The following STEAP3 variants were observed in gnomAD, a reference collection of about 807,000 sequenced individuals.
STEAP3 encodes metalloreductase STEAP3.
A neutral mutation model predicts 34.9 loss-of-function variants in STEAP3; 35 were observed. The observed-to-expected ratio is 1.00, with a 90% confidence interval of 0.76 to 1.33. STEAP3 has a LOEUF of 1.33. Ranked by LOEUF, STEAP3 falls within the 40% of genes most tolerant of loss-of-function variation. The pLI, the probability that STEAP3 is intolerant of heterozygous loss-of-function variation, is 0.00. For missense variants in STEAP3, 652 were observed against 667.6 expected, an observed-to-expected ratio of 0.98 and a Z score of 0.26; for synonymous variants, 281 against 301.6, an observed-to-expected ratio of 0.93 and a Z score of 0.71.
At position 119,247,900 on chromosome 2, in the gene STEAP3, C is replaced by T. The variant is rs1677489816; in HGVS notation, c.744C>T (p.Pro248=). 1 of 1,613,962 alleles carries T rather than the reference C, an allele frequency of 6.2e-7. No individual in the cohort carries two copies. The highest frequency in any genetic ancestry group is 8.5e-7 in the Non-Finnish European group (1 of 1,180,018). The part of the protein sequence containing the change: ...AYNFVRDVLQ[P]YVQESQNKFF... ...ACTTCGTCCGGGACGTTCTGCAGCC[C>T]TATGTGCAGGAAAGCCAGAACAAGT... is the stretch of plus-strand genomic sequence containing the variant. The change falls in exon 4 of 6, where the codon CCC becomes CCT. Residue 248 remains proline (P), a synonymous_variant. Transcript: ENST00000393110.
intron 5 of STEAP3, among the ~76,000 whole-genome samples, chr2:119,260,930 G>C (rs1677923800): frequency 6.6e-6 from 1 of 152,254 alleles, no homozygotes; most frequent in African/African-American, 2.4e-5. Context: ...AGAAGAACCA[G>C]AGAGGGTGAG....
chr2:119,240,738 G>T (rs540189567), intron 2 of STEAP3, among the ~76,000 whole-genome samples: 1 of 152,326 alleles, frequency 6.6e-6, no homozygotes, highest in Non-Finnish European at 1.5e-5. Flanking sequence ...GGGAGGAGAG[G>T]CAGGCAGGTC....
chr2:119,260,197 T>C (rs572625571), intron 5 of STEAP3, among the ~76,000 whole-genome samples: 1 of 152,182 alleles, frequency 6.6e-6, no homozygotes, highest in Non-Finnish European at 1.5e-5. Context: ...CCCAGCCATC[T>C]TGGCAACACC....
chr2:119,256,037 C>T (rs1416691487), intron 5 of STEAP3, among the ~76,000 whole-genome samples: 1 of 152,216 alleles, frequency 6.6e-6, no homozygotes, highest in Admixed American at 6.5e-5. Flanking sequence ...TGAGTGGGAG[C>T]TGACTAATGC....
chr2:119,241,863 T>G (rs1474977264), intron 2 of STEAP3, among the ~76,000 whole-genome samples: 1 of 152,194 alleles, frequency 6.6e-6, no homozygotes, highest in Non-Finnish European at 1.5e-5. Context: ...TTGCTTCACT[T>G]TGGGCTGGTT....
intron 1 of STEAP3, among the ~76,000 whole-genome samples, chr2:119,226,242 G>A (rs1679036641): frequency 6.6e-6 from 1 of 152,242 alleles, no homozygotes; most frequent in African/African-American, 2.4e-5. Context: ...GAAGGAAGCA[G>A]GTCATTTGGG....
At chr2:119,224,335 G>T (rs1678969846) in intron 1 of STEAP3, among the ~76,000 whole-genome samples, 1 of 152,200 alleles carries the variant, frequency 6.6e-6, no homozygotes, top group Admixed American at 6.5e-5. Context: ...CAGTCCCTTC[G>T]CAGCCGAACA....
At chr2:119,262,004 C>T (rs1201666508) in intron 5 of STEAP3, among the ~76,000 whole-genome samples, 1 of 152,154 alleles carries the variant, frequency 6.6e-6, no homozygotes, top group African/African-American at 2.4e-5. Flanking sequence ...GCGGGGTTTC[C>T]ACCCGGGTTG....
At chr2:119,228,303 G>T (rs548049371) in intron 1 of STEAP3, among the ~76,000 whole-genome samples, 1 of 152,280 alleles carries the variant, frequency 6.6e-6, no homozygotes, top group African/African-American at 2.4e-5. Flanking sequence ...CTGTGAGCTG[G>T]GCCCTCCAGG....
chr2:119,231,170 C>T, intron 2 of STEAP3, 136 bp downstream of exon 2: 1 of 1,138,960 alleles, frequency 8.8e-7, no homozygotes, highest in Non-Finnish European at 1.3e-6. Flanking sequence ...GAACTCGACA[C>T]CTCCCAGAGA....
rs746904521 is a variant in STEAP3 at position 119,247,800 on chromosome 2, C to T, written c.644C>T (p.Pro215Leu). 1.9e-6 allele frequency: 3 copies of T among 1,611,426 alleles called. No individual in the cohort carries two copies. Among genetic ancestry groups the T allele is most frequent in the South Asian group, 1.1e-5 (1 of 91,074 alleles). The change falls in exon 4 of 6, where the codon CCC becomes CTC. Residue 215 changes from proline to leucine, a missense_variant. Coordinates refer to ENST00000393110, the MANE Select transcript of STEAP3 (RefSeq NM_182915.3). ...TCAGCCTGGGAGGTGGAGGCCATGC[C>T]CCTGCGCCTCCTCCCGGCCTGGAAG... ...LASAWEVEAM[P>L]LRLLPAWKVP...
chr2:119,258,774 A>ATTT (rs57860527), intron 5 of STEAP3, among the ~76,000 whole-genome samples: 2 of 121,028 alleles, frequency 1.7e-5, no homozygotes, highest in African/African-American at 3.2e-5. Context: ...CACCTGGCTA[A>ATTT]TTTTTTTTTT....
In STEAP3 at chr2:119,263,781, T is replaced by C. The variant is rs1399007440; in HGVS notation, c.*443T>C. The stretch of plus-strand genomic sequence containing the variant: ...CCTTTTGCTACTTCCCCAAGGCTCT[T>C]GCAGAGCTAGGGCTCTGAAGGGGAG... On this transcript the variant is annotated 3_prime_UTR_variant, in exon 6 of 6. Coordinates refer to ENST00000393110, the MANE Select transcript of STEAP3 (RefSeq NM_182915.3). 1 of 308,356 alleles carries C rather than the reference T, an allele frequency of 3.2e-6. No homozygotes were observed. The allele number at this position is 308,356 out of a possible 1,614,324, so 19.1% of individuals were successfully genotyped here. A position where few individuals can be genotyped will look rare whatever the true frequency, so the allele number is the denominator to read the frequency against.
intron 4 of STEAP3, chr2:119,248,407 C>A (rs1030423959): frequency 6.2e-6 from 4 of 640,580 alleles, no homozygotes; most frequent in Admixed American, 6.3e-5. Context: ...GATGAAAATT[C>A]CTGCCCCCAT....
chr2:119,224,397 T>C (rs1678972063), intron 1 of STEAP3, among the ~76,000 whole-genome samples: 1 of 152,100 alleles, frequency 6.6e-6, no homozygotes, highest in Non-Finnish European at 1.5e-5. Context: ...CCGACCTTGG[T>C]CCCCAGGAGG....
In STEAP3 at chr2:119,231,050, A is replaced by G. The variant is rs750099052; in HGVS notation, c.22+16A>G. The G allele has an allele frequency of 5.6e-6, 9 of 1,614,016 alleles. No individual in the cohort carries two copies. In the African/African-American group the frequency reaches 1.2e-4, roughly 22 times the overall value. On this transcript the variant is annotated intron_variant, in intron 2 of 5. Coordinates refer to ENST00000393110, the MANE Select transcript of STEAP3 (RefSeq NM_182915.3). ...CCTGCTGTTGGTAAGTCTGGCTAGG[A>G]CGCAGATCCAAGGGGGCATGGGTCG...
rs138092238 is a variant in STEAP3 at position 119,264,803 on chromosome 2, G to GCCCCCCC, written c.*1469_*1475dup. The GCCCCCCC allele has an allele frequency of 1.6e-5, 2 of 128,062 alleles. No individual in the cohort carries two copies. Among genetic ancestry groups the GCCCCCCC allele is most frequent in the African/African-American group, 5.7e-5 (2 of 35,304 alleles). The allele number at this position is 128,062 out of a possible 1,614,324, so 7.9% of individuals were successfully genotyped here. A position where few individuals can be genotyped will look rare whatever the true frequency, so the allele number is the denominator to read the frequency against. ...GAATGTCACAGATGAGGCTGCCCCT[G>GCCCCCCC]CCCCCCCCCCGCCAGGGAGGTTTCA... is the stretch of plus-strand genomic sequence containing the variant. On this transcript the variant is annotated 3_prime_UTR_variant, in exon 6 of 6. Transcript: ENST00000393110.
intron 2 of STEAP3, among the ~76,000 whole-genome samples, chr2:119,233,923 A>G (rs985953457): frequency 5.3e-5 from 8 of 152,176 alleles, no homozygotes; most frequent in African/African-American, 1.9e-4. Context: ...AAGTGGCTAC[A>G]TGACTCTTCC....
intron 2 of STEAP3, among the ~76,000 whole-genome samples, chr2:119,232,277 A>C (rs538150356): frequency 2.2e-4 from 34 of 152,316 alleles, no homozygotes; most frequent in Non-Finnish European, 4.4e-4. Context: ...CGGGGCAGGC[A>C]AGAGCCAACT....
Sources: gnomAD v4.1 joint callset for allele counts (sites outside exome capture counted in the v4.1 genomes callset) on GRCh38, gnomAD v4.1.1 for gene constraint, MANE v1.5 for transcripts, NCBI Gene and HGNC (gene_info 2026-07-23, HGNC 2026-07-21) for gene names.